Variants in ITGBL1 observed in about 807,000 individuals in gnomAD.
ITGBL1 encodes integrin beta-like protein 1.
Under a neutral mutation model 68.5 loss-of-function variants are expected in ITGBL1, and 51 were observed. The observed-to-expected ratio is 0.74, with a 90% CI of 0.59 to 0.94. ITGBL1 has a LOEUF of 0.94. ITGBL1 is among the 40% of genes least tolerant of loss of function. The pLI, the probability that ITGBL1 is intolerant of heterozygous loss-of-function variation, is 0.00. For synonymous variants in ITGBL1, 209 were observed against 227.3 expected (o/e 0.92, Z 0.72); for missense variants, 649 against 647.4 (o/e 1.00, Z -0.03).
chr13:101,533,471 A>G (rs1566719240), intron 2 of ITGBL1, among the ~76,000 whole-genome samples: 1 of 152,230 alleles, frequency 6.6e-6, no homozygotes, highest in Non-Finnish European at 1.5e-5. Context: ...AAACTGTAGC[A>G]TGATTTCTTG....
At chr13:101,641,709 C>A (rs916614807) in intron 7 of ITGBL1, among the ~76,000 whole-genome samples, 2 of 142,412 alleles carry the variant, frequency 1.4e-5, no homozygotes, top group African/African-American at 2.7e-5. Context: ...CTATCCCTTC[C>A]CCCTCCCCCG....
intron 3 of ITGBL1, among the ~76,000 whole-genome samples, chr13:101,571,539 C>T (rs1032382699): frequency 4.6e-5 from 7 of 152,096 alleles, no homozygotes; most frequent in African/African-American, 1.7e-4. Context: ...CACTAACATG[C>T]TTCTAAAAGT....
At position 101,622,430 on chromosome 13, in the gene ITGBL1, C is replaced by T. The variant is rs17624336; in HGVS notation, c.1015+24131C>T. ...TCTCTGTCTAGAATAACCACTGACA[C>T]CTTGTAAGCCTGAAAAAAATGCAAC... On this transcript the variant is annotated intron_variant, in intron 7 of 10. Coordinates refer to ENST00000376180, the MANE Select transcript of ITGBL1 (RefSeq NM_004791.3). Among the ~76,000 whole-genome samples, 849 of 152,254 alleles carry T rather than the reference C, an allele frequency of 5.6e-3. 33 individuals are homozygous for T. Among genetic ancestry groups the T allele is most frequent in the Admixed American group, 0.042 (648 of 15,280 alleles).
intron 7 of ITGBL1, among the ~76,000 whole-genome samples, chr13:101,623,209 A>G (rs2031654078): frequency 6.6e-6 from 1 of 152,062 alleles, no homozygotes; most frequent in South Asian, 2.1e-4. Flanking sequence ...TATTAATATG[A>G]TAATGCAATC....
chr13:101,705,667 T>C (rs141932328), intron 8 of ITGBL1, among the ~76,000 whole-genome samples: 3 of 152,142 alleles, frequency 2.0e-5, no homozygotes, highest in Admixed American at 1.3e-4. Flanking sequence ...TAAGCATTGG[T>C]TACTCATCCT....
At chr13:101,644,308 T>G (rs1191299596) in intron 7 of ITGBL1, among the ~76,000 whole-genome samples, 1 of 152,174 alleles carries the variant, frequency 6.6e-6, no homozygotes, top group African/African-American at 2.4e-5. Context: ...TAGAGGGAGA[T>G]GGTCAGGCTC....
chr13:101,455,369 CTT>C (rs895973357), intron 2 of ITGBL1, among the ~76,000 whole-genome samples: 39 of 152,226 alleles, frequency 2.6e-4, no homozygotes, highest in African/African-American at 9.1e-4. Flanking sequence ...TGGATCAACT[CTT>C]TAAAAATACT....
At chr13:101,550,084 A>G (rs1287367429) in intron 2 of ITGBL1, among the ~76,000 whole-genome samples, 1 of 152,174 alleles carries the variant, frequency 6.6e-6, no homozygotes, top group Non-Finnish European at 1.5e-5. Context: ...GCATCTATTC[A>G]AAAGAATAAG....
chr13:101,598,760 T>C (rs549955359), intron 7 of ITGBL1, among the ~76,000 whole-genome samples: 12 of 152,314 alleles, frequency 7.9e-5, no homozygotes, highest in African/African-American at 2.9e-4. Flanking sequence ...ACAAAGGACA[T>C]GAACTCATCC....
Position 101,692,949 on chromosome 13 carries a change from T to G in ITGBL1, c.1132+248T>G, listed in dbSNP as rs1451336835. On this transcript the variant is annotated intron_variant, in intron 8 of 10. Transcript: ENST00000376180. ...ATAAAAGATCATTGAATCTAAGTACTAAGATACTTTATGATCGTGAAAGGT... is the reference window on the plus strand; with the variant it reads ...ATAAAAGATCATTGAATCTAAGTACGAAGATACTTTATGATCGTGAAAGGT... 4.0e-5 allele frequency: 14 copies of G among 350,568 alleles called. 1 individual carries two copies. In the South Asian group the frequency reaches 8.6e-4, roughly 22 times the overall value. 21.7% of individuals were successfully genotyped at this position (350,568 alleles called of 1,614,324 possible). A position where few individuals can be genotyped will look rare whatever the true frequency, so the allele number is the denominator to read the frequency against.
At chr13:101,619,805 T>A (rs1023453305) in intron 7 of ITGBL1, among the ~76,000 whole-genome samples, 1 of 152,184 alleles carries the variant, frequency 6.6e-6, no homozygotes, top group Non-Finnish European at 1.5e-5. Context: ...AAAAGATTAT[T>A]TCCTTTACTG....
At position 101,706,868 on chromosome 13, in the gene ITGBL1, T is replaced by A; in HGVS notation, c.1245T>A (p.Cys415Ter). 1 of 1,614,146 alleles carries A rather than the reference T, an allele frequency of 6.2e-7. No individual in the cohort carries two copies. Among genetic ancestry groups the A allele is most frequent in the Non-Finnish European group, 8.5e-7 (1 of 1,180,006 alleles). The change falls in exon 9 of 11, where the codon TGT (cysteine) becomes TGA (stop). Residue 415 changes from cysteine (C) to a stop codon, truncating the protein, a stop_gained. Transcript: ENST00000376180. LOFTEE classifies it high-confidence loss of function. ...NMTEEQSKNLCESADGILCSG... is the reference protein window; with the variant it reads ...NMTEEQSKNL ...CGGAAGAACAAAGCAAGAATCTGTG[T>A]GAATCAGCAGATGGCATATTGTGCT...
intron 2 of ITGBL1, among the ~76,000 whole-genome samples, chr13:101,463,266 C>G (rs983529348): frequency 6.6e-6 from 1 of 152,094 alleles, no homozygotes; most frequent in Non-Finnish European, 1.5e-5. Context: ...TGGAATTACT[C>G]TGATAGTCTT....
At chr13:101,672,478 A>G (rs1277969639) in intron 7 of ITGBL1, among the ~76,000 whole-genome samples, 1 of 152,172 alleles carries the variant, frequency 6.6e-6, no homozygotes, top group Non-Finnish European at 1.5e-5. Context: ...TGGCAGCTCC[A>G]TCCTCTCTTT....
At chr13:101,687,629 T>C (rs2033784641) in intron 7 of ITGBL1, among the ~76,000 whole-genome samples, 1 of 152,104 alleles carries the variant, frequency 6.6e-6, no homozygotes, top group Admixed American at 6.6e-5. Flanking sequence ...TAAAATATAA[T>C]TCATAAAAAA....
intron 7 of ITGBL1, among the ~76,000 whole-genome samples, chr13:101,669,974 T>C (rs933228050): frequency 6.6e-6 from 1 of 152,306 alleles, no homozygotes; most frequent in South Asian, 2.1e-4. Flanking sequence ...ACTCTCTCCA[T>C]TGACTTTTTA....
intron 1 of ITGBL1, 108 bp from the exon 2 acceptor site, chr13:101,453,775 G>C: frequency 1.6e-6 from 1 of 629,944 alleles, no homozygotes; most frequent in Non-Finnish European, 2.2e-6. Flanking sequence ...CTGTTCTTGG[G>C]GTTGTACGTC....
intron 7 of ITGBL1, among the ~76,000 whole-genome samples, chr13:101,636,776 TATC>T (rs1444188424): frequency 6.6e-6 from 1 of 152,184 alleles, no homozygotes; most frequent in East Asian, 1.9e-4. Context: ...AAATACGTTC[TATC>T]ATCTCTAAAG....
intron 2 of ITGBL1, among the ~76,000 whole-genome samples, chr13:101,552,316 C>T (rs923024240): frequency 1.3e-5 from 2 of 152,038 alleles, no homozygotes; most frequent in Admixed American, 6.6e-5. Flanking sequence ...ATTTTTCTGT[C>T]TACTGATCTA....
Sources: allele counts gnomAD v4.1 joint callset (sites outside exome capture counted in the v4.1 genomes callset), GRCh38; gene constraint gnomAD v4.1.1; transcripts MANE v1.5; gene names NCBI Gene and HGNC (gene_info 2026-07-23, HGNC 2026-07-21).